CTNNBL1: variants seen among roughly 807,000 people sequenced by gnomAD.
CTNNBL1 encodes beta-catenin-like protein 1.
Under a neutral mutation model 72.7 loss-of-function variants are expected in CTNNBL1, and 31 were observed. The ratio of observed to expected loss-of-function variants is 0.43; its 90% CI spans 0.32 to 0.58. The LOEUF (loss-of-function observed/expected upper bound fraction) is 0.58, where lower values mean the gene tolerates loss of function less well. Ranked by LOEUF, CTNNBL1 falls within the 20% of genes least tolerant of loss-of-function variation. The pLI is 0.08. For missense variants in CTNNBL1, 534 were observed against 725.1 expected, an observed-to-expected ratio of 0.74 and a Z score of 3.03; for synonymous variants, 240 against 267.3, an observed-to-expected ratio of 0.90 and a Z score of 1.00.
intron 13 of CTNNBL1, among the ~76,000 whole-genome samples, chr20:37,843,843 G>A (rs571731829): frequency 9.8e-4 from 149 of 152,228 alleles, no homozygotes; most frequent in African/African-American, 3.4e-3. Flanking sequence ...AGAAGTTTGC[G>A]GATTGATTGA....
chr20:37,861,940 A>G (rs964652830), intron 15 of CTNNBL1, among the ~76,000 whole-genome samples: 12 of 152,240 alleles, frequency 7.9e-5, no homozygotes, highest in African/African-American at 2.4e-4. Flanking sequence ...AGGCTAGGAC[A>G]GAGACAGTCC....
chr20:37,838,445 C>T (rs908822413), intron 11 of CTNNBL1, among the ~76,000 whole-genome samples: 7 of 152,090 alleles, frequency 4.6e-5, no homozygotes, highest in East Asian at 1.9e-4. Flanking sequence ...TGAGGTTTCT[C>T]GTGGGATGTG....
At chr20:37,842,283 C>A in intron 12 of CTNNBL1, 56 bp from the exon 13 acceptor site, 2 of 1,239,440 alleles carry the variant, frequency 1.6e-6, no homozygotes, top group Non-Finnish European at 2.4e-6. Flanking sequence ...TGCCACTGTT[C>A]TCTTGCTGTG....
intron 15 of CTNNBL1, among the ~76,000 whole-genome samples, chr20:37,865,611 A>G (rs1600539040): frequency 6.6e-6 from 1 of 152,214 alleles, no homozygotes; most frequent in East Asian, 1.9e-4. Context: ...ATTGTTGAGC[A>G]GTCATCACCT....
intron 13 of CTNNBL1, among the ~76,000 whole-genome samples, chr20:37,850,443 T>C (rs1350843645): frequency 2.0e-5 from 3 of 152,156 alleles, no homozygotes; most frequent in South Asian, 4.1e-4. Flanking sequence ...TGAAGATTAA[T>C]GAGATTGTTT....
Position 37,737,380 on chromosome 20 carries a change from G to C in CTNNBL1, c.222G>C (p.Glu74Asp). 5.0e-6 allele frequency: 8 copies of C among 1,610,744 alleles called. No homozygotes were observed. Among genetic ancestry groups the C allele is most frequent in the Non-Finnish European group, 6.8e-6 (8 of 1,177,334 alleles). The change falls in exon 3 of 16, where the codon GAG (glutamate) becomes GAC (aspartate). Residue 74 changes from glutamate (E) to aspartate (D), a missense_variant and splice_region_variant. By Grantham distance (45) the Glu-to-Asp change is conservative. Transcript: ENST00000361383. ...TTGCATTTGTCTCTTTGTACCAGGA[G>C]GAGCCATTGGATGAAAGCTCAGTGA... ...DRDGEEEEEE[E>D]EPLDESSVKK... is the part of the protein sequence containing the mutation.
intron 11 of CTNNBL1, among the ~76,000 whole-genome samples, chr20:37,812,943 T>C (rs1291599574): frequency 2.0e-5 from 3 of 150,062 alleles, no homozygotes; most frequent in Non-Finnish European, 4.4e-5. Context: ...CCCCCAGGAA[T>C]GTGGCCCCCA....
chr20:37,703,034 T>C (rs1374269444), intron 1 of CTNNBL1, among the ~76,000 whole-genome samples: 1 of 152,230 alleles, frequency 6.6e-6, no homozygotes, highest in Non-Finnish European at 1.5e-5. Context: ...TTAATCATTT[T>C]CCTCTTCTTT....
At chr20:37,705,415 C>T (rs982875345) in intron 1 of CTNNBL1, among the ~76,000 whole-genome samples, 40 of 152,146 alleles carry the variant, frequency 2.6e-4, no homozygotes, top group Non-Finnish European at 3.8e-4. Context: ...CATTAATTTT[C>T]GTTATTTATC....
chr20:37,724,515 G>T (rs180881886), intron 1 of CTNNBL1, among the ~76,000 whole-genome samples: 117 of 152,276 alleles, frequency 7.7e-4, no homozygotes, highest in African/African-American at 2.7e-3. Context: ...TGATTCAAAG[G>T]TGGAGGGGGC....
intron 14 of CTNNBL1, 78 bp downstream of exon 14, chr20:37,860,114 AG>A (rs2072479173): frequency 5.2e-6 from 8 of 1,552,584 alleles, no homozygotes; most frequent in Admixed American, 5.1e-5. Flanking sequence ...ACTCTCACTC[AG>A]GGAAAGAAGG....
chr20:37,769,453 A>G (rs1461852931), intron 7 of CTNNBL1, among the ~76,000 whole-genome samples: 1 of 152,232 alleles, frequency 6.6e-6, no homozygotes, highest in Non-Finnish European at 1.5e-5. Flanking sequence ...TAATTTTAAC[A>G]TCAAGTGAAG....
At chr20:37,773,909 CTTTTTT>C (rs1176688817) in intron 7 of CTNNBL1, among the ~76,000 whole-genome samples, 1 of 104,646 alleles carries the variant, frequency 9.6e-6, no homozygotes, top group African/African-American at 4.3e-5. Context: ...TTCTTTCTCT[CTTTTTT>C]TTTTTTTTTT....
At chr20:37,752,012 G>A (rs2073323949) in intron 4 of CTNNBL1, among the ~76,000 whole-genome samples, 1 of 152,176 alleles carries the variant, frequency 6.6e-6, no homozygotes, top group South Asian at 2.1e-4. Flanking sequence ...AACATCTTAG[G>A]TTAAAAGTGC....
chr20:37,789,238 A>G (rs1162736509), intron 10 of CTNNBL1, among the ~76,000 whole-genome samples: 1 of 152,198 alleles, frequency 6.6e-6, no homozygotes, highest in African/African-American at 2.4e-5. Flanking sequence ...GGCGGAGAGG[A>G]CCAGAGTCTC....
chr20:37,831,963 A>AT lies in CTNNBL1; in HGVS notation c.1214-8137dup, dbSNP rs145554877. ...ATCATGGCCAAGTACATTTCTTTTT[A>AT]TTAAAAGGTAGGACCATCTCTACTT... On this transcript the variant is annotated intron_variant, in intron 11 of 15. Coordinates refer to ENST00000361383, the MANE Select transcript of CTNNBL1 (RefSeq NM_030877.5). Among the ~76,000 whole-genome samples, 1,494 of 152,330 alleles carry AT rather than the reference A, an allele frequency of 9.8e-3. 29 individuals carry two copies. Among genetic ancestry groups the AT allele is most frequent in the African/African-American group, 0.033 (1,367 of 41,564 alleles).
intron 10 of CTNNBL1, among the ~76,000 whole-genome samples, chr20:37,780,882 A>G (rs565150659): frequency 2.0e-5 from 3 of 152,208 alleles, no homozygotes; most frequent in African/African-American, 7.2e-5. Context: ...TAAAGTTGCC[A>G]TTTCCAAGTC....
At chr20:37,726,902 G>A (rs2073090030) in intron 1 of CTNNBL1, among the ~76,000 whole-genome samples, 1 of 152,068 alleles carries the variant, frequency 6.6e-6, no homozygotes. Flanking sequence ...TTATCATAAT[G>A]ATACCATTAT....
At chr20:37,742,865 A>G (rs1348769261) in intron 3 of CTNNBL1, among the ~76,000 whole-genome samples, 1 of 152,134 alleles carries the variant, frequency 6.6e-6, no homozygotes, top group Admixed American at 6.5e-5. Context: ...GTGCAGTGGC[A>G]CGATCTTAGC....
Sources: allele counts gnomAD v4.1 joint callset (sites outside exome capture counted in the v4.1 genomes callset), GRCh38; gene constraint gnomAD v4.1.1; transcripts MANE v1.5; gene names NCBI Gene and HGNC (gene_info 2026-07-23, HGNC 2026-07-21).